AOPEP: variants seen among roughly 807,000 people sequenced by gnomAD.
The protein encoded by AOPEP is aminopeptidase O (putative).
Under a neutral mutation model 98.1 loss-of-function variants are expected in AOPEP, and 77 were observed. The ratio of observed to expected loss-of-function variants is 0.78; its 90% CI spans 0.65 to 0.95. AOPEP has a LOEUF of 0.95. Among genes scored for constraint, AOPEP ranks in the 40% least tolerant of loss-of-function variants. The pLI, the probability that AOPEP is intolerant of heterozygous loss-of-function variation, is 0.00. For missense variants in AOPEP, 1,024 were observed against 1,024.7 expected, an observed-to-expected ratio of 1.00 and a Z score of 0.01; for synonymous variants, 346 against 365.3, an observed-to-expected ratio of 0.95 and a Z score of 0.60.
At chr9:95,088,210 TTTCC>T (rs1321714247), downstream of AOPEP, among the ~76,000 whole-genome samples, 1 of 152,068 alleles carries the variant, frequency 6.6e-6, no homozygotes, top group Non-Finnish European at 1.5e-5. Context: ...GCCTTTTTTT[TTTCC>T]TTCCTTTCTT....
intron 5 of AOPEP, among the ~76,000 whole-genome samples, chr9:94,903,194 G>A (rs1011210436): frequency 5.3e-5 from 8 of 151,716 alleles, no homozygotes; most frequent in African/African-American, 1.9e-4. Flanking sequence ...TGTTGGCCAG[G>A]CTGGTCTTGA....
chr9:94,975,121 C>A (rs773087149), intron 10 of AOPEP, among the ~76,000 whole-genome samples: 1 of 152,086 alleles, frequency 6.6e-6, no homozygotes, highest in Non-Finnish European at 1.5e-5. Context: ...GTCCCGGTTA[C>A]TCGGAAGGCT....
At chr9:95,125,348 T>C in the AOPEP span, among the ~76,000 whole-genome samples, 2 of 152,230 alleles carry the variant, frequency 1.3e-5, no homozygotes, top group Admixed American at 6.5e-5. Flanking sequence ...ACAGGATAAA[T>C]TTGTCGCTCC....
At chr9:94,993,890 A>G (rs1168942767) in intron 11 of AOPEP, among the ~76,000 whole-genome samples, 3 of 152,218 alleles carry the variant, frequency 2.0e-5, no homozygotes, top group East Asian at 1.9e-4. Context: ...GCAACAAGCA[A>G]TAATGGGATT....
chr9:95,117,786 C>T, the AOPEP span, among the ~76,000 whole-genome samples: 10 of 150,092 alleles, frequency 6.7e-5, no homozygotes, highest in Non-Finnish European at 1.0e-4. Flanking sequence ...TGCAATGGCG[C>T]GATCTCAGCT....
chr9:94,977,649 A>G (rs1413981671), intron 10 of AOPEP, among the ~76,000 whole-genome samples: 1 of 151,896 alleles, frequency 6.6e-6, no homozygotes. Context: ...ACACTCCCAC[A>G]CTCTCATAGC....
chr9:95,111,630 C>T, the AOPEP span: 26 of 1,614,018 alleles, frequency 1.6e-5, no homozygotes, highest in African/African-American at 8.0e-5. Context: ...AAGGGACCTC[C>T]GCAGGACCTG....
chr9:94,890,025 AT>A (rs554356502), intron 5 of AOPEP, among the ~76,000 whole-genome samples: 4,604 of 133,980 alleles, frequency 0.034, 136 homozygotes, highest in African/African-American at 0.089. Context: ...GTATTACTTG[AT>A]TTTTTTTTTT....
chr9:94,976,542 C>T (rs2059853269), intron 10 of AOPEP, among the ~76,000 whole-genome samples: 1 of 152,184 alleles, frequency 6.6e-6, no homozygotes, highest in South Asian at 2.1e-4. Flanking sequence ...GTGGGCTCTT[C>T]CCCTTTTGAT....
chr9:94,828,883 T>C (rs1855275096), intron 5 of AOPEP, among the ~76,000 whole-genome samples: 1 of 151,768 alleles, frequency 6.6e-6, no homozygotes, highest in Admixed American at 6.6e-5. Context: ...CTGTTTTTTT[T>C]TTTGAGATGG....
At chr9:95,086,520 G>A (rs2070722648) in intron 16 of AOPEP, 162 bp from the exon 17 acceptor site, 2 of 985,284 alleles carry the variant, frequency 2.0e-6, no homozygotes, top group Admixed American at 6.1e-5. Context: ...CACACGGCTC[G>A]CTGTGACCCG....
At chr9:94,997,205 A>G (rs1340842088) in intron 11 of AOPEP, among the ~76,000 whole-genome samples, 1 of 152,050 alleles carries the variant, frequency 6.6e-6, no homozygotes, top group Admixed American at 6.5e-5. Context: ...GAAATCTTCC[A>G]CTTCTTTTTA....
intron 2 of AOPEP, among the ~76,000 whole-genome samples, chr9:94,768,490 G>A (rs1840134461): frequency 6.6e-6 from 1 of 152,212 alleles, no homozygotes; most frequent in Non-Finnish European, 1.5e-5. Context: ...TAGCAAACAC[G>A]TTAGTCCTAG....
At chr9:94,927,224 C>CT (rs777107604) in intron 6 of AOPEP, among the ~76,000 whole-genome samples, 5 of 152,204 alleles carry the variant, frequency 3.3e-5, no homozygotes, top group Non-Finnish European at 5.9e-5. Context: ...AACACCAGCC[C>CT]TGTAGGATTA....
chr9:94,820,010 A>G (rs1852685331), intron 5 of AOPEP, among the ~76,000 whole-genome samples: 1 of 143,686 alleles, frequency 7.0e-6, no homozygotes, highest in African/African-American at 2.5e-5. Context: ...CAGTGGCGCA[A>G]TCTCGGCTCA....
In AOPEP at chr9:95,005,562, G is replaced by A. The variant is rs146920018; in HGVS notation, c.2061G>A (p.Val687=). 3.1e-6 allele frequency: 5 copies of A among 1,613,966 alleles called. No homozygotes were observed. The African/African-American group carries it at 6.7e-5, about 22-fold the overall frequency. ...CTCAGGTCACGAAATGGATTGGAGTGAACCGGAGACCCCGAAAACGGAAGC... is the reference window on the plus strand; with the variant it reads ...CTCAGGTCACGAAATGGATTGGAGTAAACCGGAGACCCCGAAAACGGAAGC... ...VRAEVTKWIG[V]NRRPRKRKRR... The change falls in exon 13 of 17, where the codon GTG becomes GTA. Residue 687 remains valine, a synonymous_variant. Coordinates refer to ENST00000375315, the MANE Select transcript of AOPEP (RefSeq NM_001193329.3).
At chr9:94,824,951 C>G (rs2134285219) in intron 5 of AOPEP, among the ~76,000 whole-genome samples, 1 of 141,966 alleles carries the variant, frequency 7.0e-6, no homozygotes, top group African/African-American at 2.6e-5. Context: ...ATGGCTGTTT[C>G]AATTTAACAG....
intron 13 of AOPEP, among the ~76,000 whole-genome samples, chr9:95,013,225 A>T (rs549088722): frequency 6.6e-6 from 1 of 152,188 alleles, no homozygotes; most frequent in South Asian, 2.1e-4. Flanking sequence ...TGATTTTTTA[A>T]AAGTATTATC....
intron 7 of AOPEP, chr9:94,932,224 C>A: frequency 1.0e-6 from 1 of 986,468 alleles, no homozygotes; most frequent in Non-Finnish European, 1.2e-6. Context: ...ATGCTTGGTC[C>A]AAGCATCTTT....
Sources: gnomAD v4.1 joint callset for allele counts (sites outside exome capture counted in the v4.1 genomes callset) on GRCh38, gnomAD v4.1.1 for gene constraint, MANE v1.5 for transcripts, NCBI Gene and HGNC (gene_info 2026-07-23, HGNC 2026-07-21) for gene names.